RAB11B: variants seen among roughly 807,000 people sequenced by gnomAD.
The protein encoded by RAB11B is RAB11B, member RAS oncogene family, also known as ras-related protein Rab-11B.
In RAB11B, 7 loss-of-function variants were observed where a neutral mutation model predicts 23.7. The ratio of observed to expected loss-of-function variants is 0.29; its 90% CI spans 0.17 to 0.55. The LOEUF is 0.55. Among genes scored for constraint, RAB11B ranks in the 20% least tolerant of loss-of-function variants. RAB11B has a pLI of 0.93. For synonymous variants in RAB11B, 138 were observed against 132.0 expected, an observed-to-expected ratio of 1.05 and a Z score of -0.31; for missense variants, 189 against 320.0, an observed-to-expected ratio of 0.59 and a Z score of 3.12.
At chr19:8,391,523 G>T (rs991410384) in intron 1 of RAB11B, among the ~76,000 whole-genome samples, 1 of 152,166 alleles carries the variant, frequency 6.6e-6, no homozygotes. Context: ...GGAAGCCGGA[G>T]TCCCTTGTTT....
chr19:8,402,436 G>A (rs763149111), intron 3 of RAB11B, 49 bp from the exon 4 acceptor site: 7 of 1,582,694 alleles, frequency 4.4e-6, no homozygotes, highest in Non-Finnish European at 6.1e-6. Context: ...GCATGTGGGA[G>A]CCTGTCACCC....
intron 1 of RAB11B, among the ~76,000 whole-genome samples, chr19:8,391,226 C>G (rs1445142798): frequency 6.6e-6 from 1 of 152,242 alleles, no homozygotes; most frequent in East Asian, 1.9e-4. Flanking sequence ...CGTTGGGAAA[C>G]TGAGGCCCAG....
At chr19:8,399,205 G>A (rs569714984) in intron 1 of RAB11B, among the ~76,000 whole-genome samples, 119 of 151,826 alleles carry the variant, frequency 7.8e-4, no homozygotes, top group African/African-American at 2.4e-3. Flanking sequence ...CACCCGCCTC[G>A]GCCTCCCAAA....
At chr19:8,393,734 TG>T (rs34833485) in intron 1 of RAB11B, among the ~76,000 whole-genome samples, 70,129 of 151,926 alleles carry the variant, frequency 0.46, 16,975 homozygotes, top group African/African-American at 0.6. Context: ...AGGGGAGGGA[TG>T]GGGGCACTGC....
intron 4 of RAB11B, chr19:8,402,864 T>C (rs1971449520): frequency 5.6e-6 from 3 of 540,020 alleles, no homozygotes; most frequent in South Asian, 2.3e-5. Context: ...GATTTCACAA[T>C]GTTGTCCAGG....
At chr19:8,397,889 C>A (rs2967609) in intron 1 of RAB11B, among the ~76,000 whole-genome samples, 40,850 of 151,996 alleles carry the variant, frequency 0.27, 5,728 homozygotes, top group Middle Eastern at 0.32. Context: ...CAGTGGATGC[C>A]CCCTAACTCC....
At chr19:8,390,754 C>T (rs1971343143) in intron 1 of RAB11B, 1 of 328,156 alleles carries the variant, frequency 3.0e-6, no homozygotes, top group Admixed American at 4.9e-5. Flanking sequence ...GGCGGGGCCT[C>T]CGCAGGGGGT....
chr19:8,403,527 C>T lies in RAB11B; in HGVS notation c.626C>T (p.Pro209Leu). 1 of 1,613,814 alleles carries T rather than the reference C, an allele frequency of 6.2e-7. No homozygotes were observed. The highest frequency in any genetic ancestry group is 1.3e-5 in the African/African-American group (1 of 75,034). The change falls in exon 5 of 5, where the codon CCC (proline) becomes CTC (leucine). Residue 209 changes from proline to leucine, a missense_variant. Transcript: ENST00000328024. Reference protein sequence around the residue: ...SVPPTTDGQKPNKLQCCQNL With the variant: ...SVPPTTDGQKLNKLQCCQNL The stretch of plus-strand genomic sequence containing the variant: ...CCGCCCACCACGGACGGACAGAAGC[C>T]CAACAAGCTGCAGTGCTGCCAGAAC...
intron 1 of RAB11B, among the ~76,000 whole-genome samples, chr19:8,394,402 G>A (rs1189659984): frequency 6.6e-6 from 1 of 152,082 alleles, no homozygotes; most frequent in Non-Finnish European, 1.5e-5. Context: ...TGATCCACCC[G>A]CCTTGGCCTC....
At chr19:8,403,275 CT>C in intron 4 of RAB11B, 137 bp from the exon 5 acceptor site, 1 of 1,136,404 alleles carries the variant, frequency 8.8e-7, no homozygotes, top group Non-Finnish European at 1.2e-6. Flanking sequence ...TGCGCAGCCC[CT>C]GTCCTTGTTA....
chr19:8,403,480 C>T lies in RAB11B; in HGVS notation c.579C>T (p.Asn193=). ...CTGCCCACGACGAGTCCCCGGGGAACAACGTGGTGGACATCAGCGTGCCGC... is the reference window on the plus strand; with the variant it reads ...CTGCCCACGACGAGTCCCCGGGGAATAACGTGGTGGACATCAGCGTGCCGC... The part of the protein sequence containing the change: ...DRAAHDESPG[N]NVVDISVPPT... The change falls in exon 5 of 5, where the codon AAC becomes AAT. Residue 193 remains asparagine (N), a synonymous_variant. Coordinates refer to ENST00000328024, the MANE Select transcript of RAB11B (RefSeq NM_004218.4). The T allele has an allele frequency of 6.2e-7, 1 of 1,613,906 alleles. No homozygotes were observed. The highest frequency in any genetic ancestry group is 8.5e-7 in the Non-Finnish European group (1 of 1,179,810).
rs553410398 is a variant in RAB11B, at chr19:8,402,563, C to T, written c.509C>T (p.Thr170Ile). 6.2e-7 allele frequency: 1 copy of T among 1,612,226 alleles called. No individual in the cohort carries two copies. Among genetic ancestry groups the T allele is most frequent in the South Asian group, 1.1e-5 (1 of 91,024 alleles). The change falls in exon 4 of 5, where the codon ACA becomes ATA. Residue 170 changes from threonine to isoleucine, a missense_variant and splice_region_variant. Thr to Ile is a moderately conservative substitution (Grantham distance 89). Coordinates refer to ENST00000328024, the MANE Select transcript of RAB11B (RefSeq NM_004218.4). ...GAGGAAGCATTCAAGAACATCCTCA[C>T]AGGTGGCCGGGGACCAGATGGGTGT... ...NVEEAFKNIL[T>I]EIYRIVSQKQ...
intron 4 of RAB11B, 22 bp from the exon 5 acceptor site, chr19:8,403,391 T>A: frequency 6.3e-7 from 1 of 1,594,526 alleles, no homozygotes; most frequent in Non-Finnish European, 8.6e-7. Context: ...TCACCCCACG[T>A]CCCCCTGTAC....
At chr19:8,402,398 GC>G in intron 3 of RAB11B, 86 bp from the exon 4 acceptor site, 1 of 1,558,632 alleles carries the variant, frequency 6.4e-7, no homozygotes, top group Non-Finnish European at 8.8e-7. Context: ...CTTGGGATGG[GC>G]CAGGTGGGTG....
Position 8,404,019 on chromosome 19 carries a change from G to A in RAB11B, c.*461G>A, listed in dbSNP as rs919996999. The A allele has an allele frequency of 6.3e-5, 10 of 159,932 alleles. No individual in the cohort carries two copies. Among genetic ancestry groups the A allele is most frequent in the Middle Eastern group, 3.1e-3 (1 of 322 alleles). The allele number at this position is 159,932 out of a possible 1,614,324, so 9.9% of individuals were successfully genotyped here. On this transcript the variant is annotated 3_prime_UTR_variant, in exon 5 of 5. Transcript: ENST00000328024. ...GGGGGCCGGGGCAGGCGGACCCCCC[G>A]GGCTCTCAGCGCCCACCCGCTCCTC...
intron 1 of RAB11B, 101 bp downstream of exon 1, chr19:8,390,557 G>A (rs977440744): frequency 5.9e-5 from 73 of 1,230,668 alleles, no homozygotes; most frequent in Non-Finnish European, 7.5e-5. Context: ...GCCGGAGCCC[G>A]GGGCTTGGGG....
At chr19:8,390,518 AAGGCCGCGCTCC>A (rs1348367810) in intron 1 of RAB11B, 62 bp downstream of exon 1, 2 of 1,431,268 alleles carry the variant, frequency 1.4e-6, no homozygotes, top group Non-Finnish European at 1.8e-6. Flanking sequence ...CAGACGGGCC[AAGGCCGCGCTCC>A]AGGCCGCTGG....
rs1971394628 is a variant in RAB11B, at chr19:8,396,069, G to T, written c.41-3794G>T. On this transcript the variant is annotated intron_variant, in intron 1 of 4. Transcript: ENST00000328024. This position sits in a 1 kb window ranked among gnomAD's most constrained non-coding sequence, Gnocchi z 5.0. ...CATCCAAGCCTCAGTTTCCTCATCT[G>T]TAAAAATGGGCTACAGGAGGCTTCT... Among the ~76,000 whole-genome samples the T allele has an allele frequency of 6.6e-6, 1 of 152,200 alleles. No homozygotes were observed. The highest frequency in any genetic ancestry group is 1.5e-5 in the Non-Finnish European group (1 of 68,040).
Position 8,402,245 on chromosome 19 carries a change from G to C in RAB11B, c.396G>C (p.Arg132=), listed in dbSNP as rs2145513375. ...ACAAGAGTGACCTGCGCCACCTGCG[G>C]GCTGTGCCCACTGACGAGGCCCGCG... ...VGNKSDLRHL[R]AVPTDEARAF... Residue 132 remains arginine, a synonymous_variant, in exon 3 of 5, where the codon CGG becomes CGC. Coordinates refer to ENST00000328024, the MANE Select transcript of RAB11B (RefSeq NM_004218.4). 2 of 1,566,202 alleles carry C rather than the reference G, an allele frequency of 1.3e-6. No homozygotes were observed. Among genetic ancestry groups the C allele is most frequent in the Non-Finnish European group, 1.7e-6 (2 of 1,155,926 alleles).
Sources: gnomAD v4.1 joint callset for allele counts (sites outside exome capture counted in the v4.1 genomes callset) on GRCh38, gnomAD v4.1.1 for gene constraint, Gnocchi (gnomAD v3.1) non-coding constraint, MANE v1.5 for transcripts, NCBI Gene and HGNC (gene_info 2026-07-23, HGNC 2026-07-21) for gene names.